The following PELP1 variants were observed in gnomAD, a reference collection of about 807,000 sequenced individuals.
PELP1 encodes the protein proline, glutamate and leucine rich protein 1, also known as proline-, glutamic acid- and leucine-rich protein 1.
Under a neutral mutation model 95.5 loss-of-function variants are expected in PELP1, and 32 were observed. The observed-to-expected ratio is 0.34, with a 90% CI of 0.25 to 0.45. The LOEUF is 0.45. Ranked by LOEUF, PELP1 falls within the 20% of genes least tolerant of loss-of-function variation. The pLI is 1.00. For missense variants in PELP1, 1,358 were observed against 1,444.8 expected, an observed-to-expected ratio of 0.94 and a Z score of 0.97; for synonymous variants, 668 against 600.1, an observed-to-expected ratio of 1.11 and a Z score of -1.65.
rs761162846 is a variant in PELP1, at chr17:4,672,213, CTCT to C, written c.2775_2777del (p.Glu930del). ...ATTCTTCCTCAAACTCTTCTTCCTC[CTCT>C]TCTTCCTCTTCAAAATATTCCTCTT... On this transcript the variant is annotated inframe_deletion, in exon 16 of 17. Coordinates refer to ENST00000572293, the MANE Select transcript of PELP1 (RefSeq NM_014389.3). 3.1e-5 allele frequency: 48 copies of C among 1,552,146 alleles called. No individual in the cohort carries two copies. The highest frequency in any genetic ancestry group is 7.3e-5 in the East Asian group (3 of 41,048).
chr17:4,693,739 C>A (rs754816697), intron 1 of PELP1, among the ~76,000 whole-genome samples: 1 of 152,148 alleles, frequency 6.6e-6, no homozygotes, highest in African/African-American at 2.4e-5. Flanking sequence ...CCTCGAGAGT[C>A]CATCACGCTG....
intron 5 of PELP1, among the ~76,000 whole-genome samples, chr17:4,680,997 G>C (rs1434985820): frequency 1.3e-5 from 2 of 152,162 alleles, no homozygotes; most frequent in Non-Finnish European, 2.9e-5. Flanking sequence ...CATACACCCT[G>C]ACCTGCCTGT....
Position 4,673,000 on chromosome 17 carries a change from G to A in PELP1, c.1991C>T (p.Pro664Leu), listed in dbSNP as rs200607294. The A allele has an allele frequency of 1.0e-4, 163 of 1,553,838 alleles. No individual in the cohort carries two copies. In the African/African-American group the frequency reaches 2.0e-3, roughly 19 times the overall value. ...PEAPSPFRAP[P>L]FHPPGPMPSV... ...GGGCATGGGGCCCGGAGGATGGAAC[G>A]GTGGGGCCCTGAAGGGCGATGGGGC... Residue 664 changes from proline to leucine, a missense_variant, in exon 16 of 17, where the codon CCG becomes CTG. By Grantham distance (98) the Pro-to-Leu change is moderately conservative. This residue lies in a region of PELP1 where 340 missense variants were observed against 322.9 expected (regional missense o/e 1.05). Coordinates refer to ENST00000572293, the MANE Select transcript of PELP1 (RefSeq NM_014389.3).
chr17:4,700,352 C>A (rs11653940), intron 1 of PELP1, among the ~76,000 whole-genome samples: 95,524 of 151,846 alleles, frequency 0.63, 31,469 homozygotes, highest in East Asian at 0.82. Flanking sequence ...CTCTAAAATA[C>A]GACAAAAAGT....
intron 1 of PELP1, among the ~76,000 whole-genome samples, chr17:4,700,326 T>A (rs979942691): frequency 6.6e-6 from 1 of 151,964 alleles, no homozygotes; most frequent in Non-Finnish European, 1.5e-5. Context: ...GATTTTTTTA[T>A]TTAAGTAGGA....
chr17:4,686,083 C>T (rs1042853571), intron 3 of PELP1, among the ~76,000 whole-genome samples: 3 of 151,972 alleles, frequency 2.0e-5, no homozygotes, highest in Non-Finnish European at 2.9e-5. Context: ...GGCCACAGAG[C>T]GAGACTCCAC....
At chr17:4,676,298 G>C in intron 7 of PELP1, 59 bp downstream of exon 7, 1 of 1,588,202 alleles carries the variant, frequency 6.3e-7, no homozygotes, top group South Asian at 1.1e-5. Flanking sequence ...CTCCCCTCCT[G>C]TTCCTTCCTG....
chr17:4,690,851 G>A, intron 3 of PELP1, 37 bp downstream of exon 3: 1 of 1,267,642 alleles, frequency 7.9e-7, no homozygotes. Context: ...ATAAGATGGG[G>A]GAGGAGGAGG....
In PELP1 at chr17:4,671,721, T is replaced by C; in HGVS notation, c.3270A>G (p.Thr1090=). The change falls in exon 16 of 17, where the codon ACA becomes ACG. Residue 1090 remains threonine (T), a synonymous_variant. Coordinates refer to ENST00000572293, the MANE Select transcript of PELP1 (RefSeq NM_014389.3). The stretch of plus-strand genomic sequence containing the variant: ...CCTGGAGAGCTTCGGCCTCTGTCTC[T>C]GTCTCCATCTCTTCTTCTGCAGGTG... ...PETPAEEEME[T]ETEAEALQEK... 1 of 1,544,602 alleles carries C rather than the reference T, an allele frequency of 6.5e-7. No homozygotes were observed. The highest frequency in any genetic ancestry group is 8.7e-7 in the Non-Finnish European group (1 of 1,151,418).
chr17:4,688,642 G>A (rs1912990441), intron 3 of PELP1, among the ~76,000 whole-genome samples: 1 of 152,206 alleles, frequency 6.6e-6, no homozygotes, highest in Middle Eastern at 3.4e-3. Context: ...CCTAACCAAG[G>A]AGGTGAAAGA....
chr17:4,675,538 G>C lies in PELP1; in HGVS notation c.1069-176C>G, dbSNP rs1034560451. 13 of 710,092 alleles carry C rather than the reference G, an allele frequency of 1.8e-5. No homozygotes were observed. In the African/African-American group the frequency reaches 2.3e-4, roughly 12 times the overall value. 44.0% of individuals were successfully genotyped at this position (710,092 alleles called of 1,614,324 possible). On this transcript the variant is annotated intron_variant, in intron 9 of 16. Transcript: ENST00000572293. This position sits in a 1 kb window ranked among gnomAD's most constrained non-coding sequence, Gnocchi z 4.3. ...CTCTAAAATAGACCCTGGATGGAAGGTAAGAAGGATGGCTGGGCCTCTCAG... is the reference window on the plus strand; with the variant it reads ...CTCTAAAATAGACCCTGGATGGAAGCTAAGAAGGATGGCTGGGCCTCTCAG...
chr17:4,682,499 T>C lies in PELP1; in HGVS notation c.642+3A>G. ...GTGGGGAGAAGAGTGCATAAATACTTACTTTGAGAGAACCACAAGCCCGAG... is the reference window on the plus strand; with the variant it reads ...GTGGGGAGAAGAGTGCATAAATACTCACTTTGAGAGAACCACAAGCCCGAG... On this transcript the variant is annotated splice_donor_region_variant and intron_variant, in intron 5 of 16. Coordinates refer to ENST00000572293, the MANE Select transcript of PELP1 (RefSeq NM_014389.3). The C allele has an allele frequency of 1.3e-6, 2 of 1,598,716 alleles. No individual in the cohort carries two copies. The highest frequency in any genetic ancestry group is 8.6e-7 in the Non-Finnish European group (1 of 1,165,956).
At position 4,703,992 on chromosome 17, in the gene PELP1, A is replaced by G. The variant is rs1192320653; in HGVS notation, c.120T>C (p.Ser40=). 1.2e-6 allele frequency: 2 copies of G among 1,613,146 alleles called. No homozygotes were observed. The highest frequency in any genetic ancestry group is 2.2e-5 in the East Asian group (1 of 44,862). The change falls in exon 1 of 17, where the codon AGT becomes AGC. Residue 40 remains serine (S), a synonymous_variant. Coordinates refer to ENST00000572293, the MANE Select transcript of PELP1 (RefSeq NM_014389.3). ...GPRLRLLLLE[S]VSGLLQPRTG... ...TTCGAGGTTGCAGCAAACCAGAAAC[A>G]CTCTCCAGCAGCAGCAGGCGGAGCC...
rs1912395585 is a variant in PELP1 at position 4,674,929 on chromosome 17, T to C, written c.1302A>G (p.Ile434Met). 1 of 1,613,236 alleles carries C rather than the reference T, an allele frequency of 6.2e-7. No homozygotes were observed. The highest frequency in any genetic ancestry group is 2.2e-5 in the East Asian group (1 of 44,860). ...YSTVRTKVYA[I>M]LELWVQVCGA... ...CACAAACCTGCACCCACAGCTCTAA[T>C]ATCGCATACACCTTGGTCCGAACCG... The change falls in exon 12 of 17, where the codon ATA becomes ATG. Residue 434 changes from isoleucine to methionine, a missense_variant. Transcript: ENST00000572293.
In PELP1 at chr17:4,672,491, C is replaced by T. The variant is rs553018761; in HGVS notation, c.2500G>A (p.Ala834Thr). ...PAKEEPEELP[A>T]APGPLPPPPP... ...GGTGGCGGGAGAGGCCCTGGGGCTG[C>T]AGGAAGTTCTTCAGGCTCCTCCTTC... Residue 834 changes from alanine (A) to threonine (T), a missense_variant, in exon 16 of 17, where the codon GCA (alanine) becomes ACA (threonine). Physicochemically the swap from Ala to Thr is moderately conservative, Grantham distance 58. Coordinates refer to ENST00000572293, the MANE Select transcript of PELP1 (RefSeq NM_014389.3). 6 of 1,571,362 alleles carry T rather than the reference C, an allele frequency of 3.8e-6. No individual in the cohort carries two copies. The Admixed American group carries it at 9.1e-5, about 24-fold the overall frequency.
chr17:4,670,159 CTT>C lies in PELP1; in HGVS notation c.*1278_*1279del, dbSNP rs1424876791. 1 of 152,204 alleles carries C rather than the reference CTT, an allele frequency of 6.6e-6. No homozygotes were observed. The highest frequency in any genetic ancestry group is 1.5e-5 in the Non-Finnish European group (1 of 68,028). The allele number at this position is 152,204 out of a possible 1,614,324, so 9.4% of individuals were successfully genotyped here. A position where few individuals can be genotyped will look rare whatever the true frequency, so the allele number is the denominator to read the frequency against. The stretch of plus-strand genomic sequence containing the variant: ...ATTTCGAAAACAAGTTGAGGGGTAA[CTT>C]TTTAAAATCCTACTGAAGTTTCCAA... On this transcript the variant is annotated 3_prime_UTR_variant, in exon 17 of 17. Transcript: ENST00000572293.
intron 1 of PELP1, 194 bp from the exon 2 acceptor site, chr17:4,691,636 T>C: frequency 1.7e-6 from 1 of 595,264 alleles, no homozygotes; most frequent in Non-Finnish European, 3.0e-6. Flanking sequence ...TTCTCGGCCT[T>C]TCCTCAAGTT....
In PELP1 at chr17:4,672,013, G is replaced by C. The variant is rs758904059; in HGVS notation, c.2978C>G (p.Pro993Arg). The change falls in exon 16 of 17, where the codon CCA becomes CGA. Residue 993 changes from proline to arginine, a missense_variant. Physicochemically the swap from Pro to Arg is moderately radical, Grantham distance 103. This residue lies in a region of PELP1 where 283 missense variants were observed against 284.1 expected (regional missense o/e 1.00). Transcript: ENST00000572293. ...PPALPPPESP[P>R]KVQPEPEPEP... Reference sequence around the variant, plus strand: ...AGGTTCGGGTTCTGGCTGCACCTTTGGGGGAGACTCAGGGGGAGGCAGAGC... The same window carrying C: ...AGGTTCGGGTTCTGGCTGCACCTTTCGGGGAGACTCAGGGGGAGGCAGAGC... 47 of 1,572,362 alleles carry C rather than the reference G, an allele frequency of 3.0e-5. No individual in the cohort carries two copies. Among genetic ancestry groups the C allele is most frequent in the Non-Finnish European group, 3.9e-5 (45 of 1,161,440 alleles).
rs758904059 is a variant in PELP1, at chr17:4,672,013, G to T, written c.2978C>A (p.Pro993Gln). 29 of 1,572,360 alleles carry T rather than the reference G, an allele frequency of 1.8e-5. No homozygotes were observed. The African/African-American group carries it at 2.0e-4, about 11-fold the overall frequency. ...AGGTTCGGGTTCTGGCTGCACCTTT[G>T]GGGGAGACTCAGGGGGAGGCAGAGC... ...PPALPPPESP[P>Q]KVQPEPEPEP... The change falls in exon 16 of 17, where the codon CCA becomes CAA. Residue 993 changes from proline to glutamine, a missense_variant. Physicochemically the swap from Pro to Gln is moderately conservative, Grantham distance 76. Around this residue, in one of 7 missense-constraint regions of PELP1, gnomAD observed 283 missense variants for 284.1 expected, o/e 1.00. Transcript: ENST00000572293.
Sources: gnomAD v4.1 joint callset for allele counts (sites outside exome capture counted in the v4.1 genomes callset) on GRCh38, gnomAD v4.1.1 for gene constraint, gnomAD v4.1.1 regional missense constraint, Gnocchi (gnomAD v3.1) non-coding constraint, MANE v1.5 for transcripts, NCBI Gene and HGNC (gene_info 2026-07-23, HGNC 2026-07-21) for gene names.